The following PARP3 variants were observed in gnomAD, a reference collection of about 807,000 sequenced individuals.
PARP3 encodes protein mono-ADP-ribosyltransferase PARP3.
In PARP3, 46 loss-of-function variants were observed where a neutral mutation model predicts 58.2. The observed-to-expected ratio is 0.79, with a 90% confidence interval of 0.62 to 1.01. PARP3 has a LOEUF of 1.01. PARP3 is among the 50% of genes least tolerant of loss of function. The pLI, the probability that PARP3 is intolerant of heterozygous loss-of-function variation, is 0.00. For synonymous variants in PARP3, 252 were observed against 266.4 expected (o/e 0.95, Z 0.53); for missense variants, 663 against 683.9 (o/e 0.97, Z 0.34).
Position 51,944,664 on chromosome 3 carries a change from C to T in PARP3, c.501+86C>T. 1 of 1,575,140 alleles carries T rather than the reference C, an allele frequency of 6.3e-7. No homozygotes were observed. Among genetic ancestry groups the T allele is most frequent in the Non-Finnish European group, 8.7e-7 (1 of 1,155,488 alleles). ...TCCCGCTGGTTGGGCTCTGCCACTG[C>T]CCAGCTGCGCAGCCTCAGCCACAGA... On this transcript the variant is annotated intron_variant, in intron 4 of 10. Transcript: ENST00000398755. This position sits in a 1 kb window ranked among gnomAD's most constrained non-coding sequence, Gnocchi z 4.2.
intron 9 of PARP3, 120 bp from the exon 10 acceptor site, chr3:51,947,620 G>A: frequency 1.9e-6 from 2 of 1,063,620 alleles, no homozygotes; most frequent in Non-Finnish European, 2.7e-6. Flanking sequence ...TTGGGGGAGA[G>A]TGAGCCTTTT....
rs761411521 is a variant in PARP3, at chr3:51,943,456, AGG to A, written c.102_103del (p.Glu34AspfsTer30). 6.2e-7 allele frequency: 1 copy of A among 1,609,630 alleles called. No individual in the cohort carries two copies. Among genetic ancestry groups the A allele is most frequent in the South Asian group, 1.1e-5 (1 of 90,240 alleles). On this transcript the variant is annotated frameshift_variant, in exon 2 of 11. Transcript: ENST00000398755. LOFTEE classifies it high-confidence loss of function. ...GAGGACCCCTTCCGCTCCACCGCTG[AGG>A]CCCTCAAGGCCATACCCGCAGAGAA... is the stretch of plus-strand genomic sequence containing the variant.
rs1051490353 is a variant in PARP3 at position 51,945,028 on chromosome 3, G to A, written c.665G>A (p.Ser222Asn). ...DVKKMPLGKL[S>N]KQQIARGFEA... The stretch of plus-strand genomic sequence containing the variant: ...AAGAAGATGCCCCTGGGAAAGCTGA[G>A]CAAGCAACAGATTGCACGGGGTTTC... The change falls in exon 6 of 11, where the codon AGC (serine) becomes AAC (asparagine). Residue 222 changes from serine to asparagine, a missense_variant. Ser to Asn is a conservative substitution (Grantham distance 46). Around this residue, in one of 3 missense-constraint regions of PARP3, gnomAD observed 567 missense variants for 553.6 expected, o/e 1.02. Coordinates refer to ENST00000398755, the MANE Select transcript of PARP3 (RefSeq NM_001003931.4). The A allele has an allele frequency of 8.1e-6, 13 of 1,614,098 alleles. No homozygotes were observed. The highest frequency in any genetic ancestry group is 1.1e-5 in the Non-Finnish European group (13 of 1,180,040).
rs1404408798 is a variant in PARP3 at position 51,943,442 on chromosome 3, C to A, written c.87C>A (p.Phe29Leu). ...GRQAGREEDP[F>L]RSTAEALKAI... ...AGGCAGGAAGGGAGGAGGACCCCTT[C>A]CGCTCCACCGCTGAGGCCCTCAAGG... Residue 29 changes from phenylalanine to leucine, a missense_variant, in exon 2 of 11, where the codon TTC becomes TTA. Transcript: ENST00000398755. The A allele has an allele frequency of 1.9e-6, 3 of 1,607,462 alleles. No individual in the cohort carries two copies. Among genetic ancestry groups the A allele is most frequent in the Non-Finnish European group, 2.5e-6 (3 of 1,177,718 alleles).
intron 10 of PARP3, 128 bp downstream of exon 10, chr3:51,948,023 T>A: frequency 4.2e-6 from 4 of 945,300 alleles, no homozygotes; most frequent in Non-Finnish European, 4.8e-6. Flanking sequence ...AGTTTGTCAT[T>A]TGACAAACAT....
chr3:51,947,993 A>C (rs536806680), intron 10 of PARP3, 98 bp downstream of exon 10: 1 of 1,227,112 alleles, frequency 8.1e-7, no homozygotes, highest in Admixed American at 2.1e-5. Context: ...GGACAAAAAG[A>C]AGCTTCCCTG....
Position 51,947,872 on chromosome 3 carries a change from T to C in PARP3, c.1409T>C (p.Ile470Thr), listed in dbSNP as rs373129708. Residue 470 changes from isoleucine to threonine, a missense_variant, in exon 10 of 11, where the codon ATT becomes ACT. Ile to Thr is a moderately conservative substitution (Grantham distance 89). Transcript: ENST00000398755. ...KSPPPGFDSVIARGHTEPDPT... is the reference protein window; with the variant it reads ...KSPPPGFDSVTARGHTEPDPT... ...CCACCTCCTGGCTTCGACAGTGTCA[T>C]TGCCCGAGGCCACACCGAGCCTGGT... The C allele has an allele frequency of 7.2e-5, 116 of 1,613,912 alleles. No homozygotes were observed. Among genetic ancestry groups the C allele is most frequent in the Non-Finnish European group, 9.6e-5 (113 of 1,180,030 alleles).
In PARP3 at chr3:51,945,006, A is replaced by G. The variant is rs1421062246; in HGVS notation, c.643A>G (p.Lys215Glu). The G allele has an allele frequency of 6.2e-7, 1 of 1,613,674 alleles. No homozygotes were observed. Among genetic ancestry groups the G allele is most frequent in the African/African-American group, 1.3e-5 (1 of 74,860 alleles). Residue 215 changes from lysine (K) to glutamate (E), a missense_variant, in exon 6 of 11, where the codon AAG becomes GAG. Lys to Glu is a moderately conservative substitution (Grantham distance 56, BLOSUM62 1). This residue lies in a region of PARP3 where 567 missense variants were observed against 553.6 expected (regional missense o/e 1.02). Transcript: ENST00000398755. ...TMALMDLDVKKMPLGKLSKQQ... is the reference protein window; with the variant it reads ...TMALMDLDVKEMPLGKLSKQQ... The stretch of plus-strand genomic sequence containing the variant: ...CTCCCCTGTCCCCCTAGATGTGAAG[A>G]AGATGCCCCTGGGAAAGCTGAGCAA...
chr3:51,943,430 G>A lies in PARP3; in HGVS notation c.75G>A (p.Glu25=), dbSNP rs761448631. Residue 25 remains glutamate, a synonymous_variant, in exon 2 of 11, where the codon GAG becomes GAA. Coordinates refer to ENST00000398755, the MANE Select transcript of PARP3 (RefSeq NM_001003931.4). ...AGAAGGGCCGGCAGGCAGGAAGGGAGGAGGACCCCTTCCGCTCCACCGCTG... is the reference window on the plus strand; with the variant it reads ...AGAAGGGCCGGCAGGCAGGAAGGGAAGAGGACCCCTTCCGCTCCACCGCTG... ...EKKKGRQAGR[E]EDPFRSTAEA... The A allele has an allele frequency of 6.2e-7, 1 of 1,607,108 alleles. No homozygotes were observed. The highest frequency in any genetic ancestry group is 1.3e-5 in the African/African-American group (1 of 74,938).
In PARP3 at chr3:51,948,469, G is replaced by A; in HGVS notation, c.1591G>A (p.Val531Ile). 6.2e-7 allele frequency: 1 copy of A among 1,613,988 alleles called. No individual in the cohort carries two copies. Among genetic ancestry groups the A allele is most frequent in the South Asian group, 1.1e-5 (1 of 91,078 alleles). The change falls in exon 11 of 11, where the codon GTC becomes ATC. Residue 531 changes from valine to isoleucine, a missense_variant. Around this residue, in one of 3 missense-constraint regions of PARP3, gnomAD observed 88 missense variants for 109.1 expected, o/e 0.81. Transcript: ENST00000398755. ...GTGTCGCCTGCGCTACCTGCTGGAG[G>A]TCCACCTCTGAGTGCCCGCCCTGTC... ...SQCRLRYLLE[V>I]HL
chr3:51,943,481 G>T lies in PARP3; in HGVS notation c.126G>T (p.Glu42Asp). 6.2e-7 allele frequency: 1 copy of T among 1,611,234 alleles called. No homozygotes were observed. The highest frequency in any genetic ancestry group is 8.5e-7 in the Non-Finnish European group (1 of 1,179,150). ...TAEALKAIPA[E>D]KRIIRVDPTC... ...AGGCCCTCAAGGCCATACCCGCAGA[G>T]AAGCGCATAATCCGCGTGGATCCAA... The change falls in exon 2 of 11, where the codon GAG becomes GAT. Residue 42 changes from glutamate (E) to aspartate (D), a missense_variant. This residue lies in a region of PARP3 where 567 missense variants were observed against 553.6 expected (regional missense o/e 1.02). Coordinates refer to ENST00000398755, the MANE Select transcript of PARP3 (RefSeq NM_001003931.4).
At position 51,943,342 on chromosome 3, in the gene PARP3, GC is replaced by G; in HGVS notation, c.-2-8del. ...CATGGAGGCCTAAGGGCCTCTCTGT[GC>G]CCCAGGACAGCCATGGCTCCAAAGC... On this transcript the variant is annotated splice_polypyrimidine_tract_variant and intron_variant, in intron 1 of 10. Coordinates refer to ENST00000398755, the MANE Select transcript of PARP3 (RefSeq NM_001003931.4). 3.9e-6 allele frequency: 6 copies of G among 1,556,222 alleles called. No individual in the cohort carries two copies. The highest frequency in any genetic ancestry group is 5.2e-6 in the Non-Finnish European group (6 of 1,151,244).
chr3:51,948,510 A>G lies in PARP3; in HGVS notation c.*30A>G. 1 of 1,603,642 alleles carries G rather than the reference A, an allele frequency of 6.2e-7. No homozygotes were observed. The highest frequency in any genetic ancestry group is 8.5e-7 in the Non-Finnish European group (1 of 1,171,772). On this transcript the variant is annotated 3_prime_UTR_variant, in exon 11 of 11. Transcript: ENST00000398755. ...CCGCCCTGTCCCCCGGGGTCCTGCA[A>G]GGCTGGACTGTGATCTTCAATCATC...
At chr3:51,945,718 C>A in intron 7 of PARP3, 74 bp downstream of exon 7, 1 of 1,557,528 alleles carries the variant, frequency 6.4e-7, no homozygotes, top group Non-Finnish European at 8.8e-7. Flanking sequence ...TCGAGGTGCC[C>A]AGAGGAATAC....
rs1699641806 is a variant in PARP3, at chr3:51,945,072, G to C, written c.709G>C (p.Glu237Gln). 6.2e-7 allele frequency: 1 copy of C among 1,614,174 alleles called. No homozygotes were observed. Among genetic ancestry groups the C allele is most frequent in the African/African-American group, 1.3e-5 (1 of 75,050 alleles). Reference sequence around the variant, plus strand: ...GGGTTTCGAGGCCTTGGAGGCGCTGGAGGAGGCCCTGAAAGGCCCCACGGA... The same window carrying C: ...GGGTTTCGAGGCCTTGGAGGCGCTGCAGGAGGCCCTGAAAGGCCCCACGGA... ...ARGFEALEALEEALKGPTDGG... is the reference protein window; with the variant it reads ...ARGFEALEALQEALKGPTDGG... The change falls in exon 6 of 11, where the codon GAG (glutamate) becomes CAG (glutamine). Residue 237 changes from glutamate (E) to glutamine (Q), a missense_variant. Coordinates refer to ENST00000398755, the MANE Select transcript of PARP3 (RefSeq NM_001003931.4).
Position 51,948,665 on chromosome 3 carries a change from A to G in PARP3, c.*185A>G, listed in dbSNP as rs1699738333. ...CCTAACTGAAATTTTGTATTCTTTG[A>G]CACATCTGCCCAGTCCCTCTCCTCC... On this transcript the variant is annotated 3_prime_UTR_variant, in exon 11 of 11. Transcript: ENST00000398755. 1.2e-5 allele frequency: 7 copies of G among 592,810 alleles called. No individual in the cohort carries two copies. Among genetic ancestry groups the G allele is most frequent in the Non-Finnish European group, 1.8e-5 (6 of 340,630 alleles). The allele number at this position is 592,810 out of a possible 1,614,324, so 36.7% of individuals were successfully genotyped here. A position where few individuals can be genotyped will look rare whatever the true frequency, so the allele number is the denominator to read the frequency against.
In PARP3 at chr3:51,942,583, G is replaced by T. The variant is rs1331024431; in HGVS notation, c.-128G>T. The T allele has an allele frequency of 1.3e-6, 1 of 744,038 alleles. No individual in the cohort carries two copies. Among genetic ancestry groups the T allele is most frequent in the East Asian group, 2.7e-5 (1 of 37,396 alleles). 46.1% of individuals were successfully genotyped at this position (744,038 alleles called of 1,614,324 possible). ...CATCCCCGGCCTCTGGCGATTGTTG[G>T]GAATTCTCTCCCTAATTCACGCCTG... On this transcript the variant is annotated 5_prime_UTR_variant, in exon 1 of 11. An upstream open reading frame in the 5' UTR gains an earlier in-frame stop. Coordinates refer to ENST00000398755, the MANE Select transcript of PARP3 (RefSeq NM_001003931.4).
intron 10 of PARP3, 50 bp downstream of exon 10, chr3:51,947,945 AGGGGCTGGGACATTTTCAGGGAG>A: frequency 7.6e-5 from 120 of 1,574,686 alleles, no homozygotes; most frequent in Non-Finnish European, 9.8e-5. Flanking sequence ...GGGCCGAGAT[AGGGGCTGGGACATTTTCAGGGAG>A]GGGGCTGTGA....
intron 6 of PARP3, 100 bp from the exon 7 acceptor site, chr3:51,945,395 G>T: frequency 6.9e-7 from 1 of 1,441,774 alleles, no homozygotes; most frequent in Non-Finnish European, 9.4e-7. Context: ...GGACAGGTGG[G>T]ACACACAGGT....
Sources: allele counts gnomAD v4.1 joint callset, GRCh38; gene constraint gnomAD v4.1.1; regional missense constraint gnomAD v4.1.1; non-coding constraint Gnocchi (gnomAD v3.1); transcripts MANE v1.5; gene names NCBI Gene and HGNC (gene_info 2026-07-23, HGNC 2026-07-21).